Variants in BRAF observed in about 807,000 individuals in gnomAD.
BRAF encodes B-Raf proto-oncogene, serine/threonine kinase, also known as serine/threonine-protein kinase B-raf.
In BRAF, 16 loss-of-function variants were observed where a neutral mutation model predicts 104.6. The ratio of observed to expected loss-of-function variants is 0.15; its 90% CI spans 0.10 to 0.23. BRAF has a LOEUF of 0.23. BRAF is among the 10% of genes least tolerant of loss of function. BRAF has a pLI of 1.00. For missense variants in BRAF, 541 were observed against 937.3 expected (o/e 0.58, Z 5.52); for synonymous variants, 310 against 341.6 (o/e 0.91, Z 1.02).
intron 2 of BRAF, among the ~76,000 whole-genome samples, chr7:140,838,825 C>T (rs772131802): frequency 1.3e-5 from 2 of 152,150 alleles, no homozygotes; most frequent in Non-Finnish European, 2.9e-5. Flanking sequence ...AAAAGTAGAT[C>T]AGTGGTTGTC....
intron 1 of BRAF, among the ~76,000 whole-genome samples, chr7:140,916,057 G>T (rs556573005): frequency 6.6e-6 from 1 of 152,136 alleles, no homozygotes; most frequent in African/African-American, 2.4e-5. Context: ...AAACTGGAAC[G>T]ATACTCCTTG....
At chr7:140,825,818 A>T (rs1253588467) in intron 3 of BRAF, among the ~76,000 whole-genome samples, 1 of 152,012 alleles carries the variant, frequency 6.6e-6, no homozygotes, top group Non-Finnish European at 1.5e-5. Flanking sequence ...TTTCTATATA[A>T]TTTTTTCCCT....
In BRAF at chr7:140,723,777, A is replaced by G; in HGVS notation, c.*2717T>C. 1 of 1,048,982 alleles carries G rather than the reference A, an allele frequency of 9.5e-7. No individual in the cohort carries two copies. The highest frequency in any genetic ancestry group is 1.2e-6 in the Non-Finnish European group (1 of 868,926). 65.0% of individuals were successfully genotyped at this position (1,048,982 alleles called of 1,614,324 possible). A position where few individuals can be genotyped will look rare whatever the true frequency, so the allele number is the denominator to read the frequency against. On this transcript the variant is annotated 3_prime_UTR_variant, in exon 20 of 20. Coordinates refer to ENST00000644969, the MANE Select transcript of BRAF (RefSeq NM_001374258.1). ...CAGACAAGACTGTTACACCCTTACA[A>G]GATGATCAGTGACGCAGCCACATAC...
intron 14 of BRAF, among the ~76,000 whole-genome samples, chr7:140,760,057 G>A (rs1798542744): frequency 6.6e-6 from 1 of 152,164 alleles, no homozygotes; most frequent in African/African-American, 2.4e-5. Context: ...AATAAACTGT[G>A]GACTGAGAAT....
intron 17 of BRAF, among the ~76,000 whole-genome samples, chr7:140,746,400 AC>A (rs1223494450): frequency 1.3e-5 from 2 of 152,188 alleles, no homozygotes; most frequent in African/African-American, 4.8e-5. Flanking sequence ...GATTTCCCAG[AC>A]TTTAGTGCTA....
At chr7:140,881,858 A>G (rs1376500624) in intron 1 of BRAF, among the ~76,000 whole-genome samples, 1 of 152,166 alleles carries the variant, frequency 6.6e-6, no homozygotes, top group East Asian at 1.9e-4. Context: ...ATCACACACA[A>G]TATTTACTGA....
intron 3 of BRAF, among the ~76,000 whole-genome samples, chr7:140,810,764 C>T (rs913095766): frequency 6.6e-6 from 1 of 152,204 alleles, no homozygotes; most frequent in Non-Finnish European, 1.5e-5. Context: ...ACTCTTAGTG[C>T]TTTCATAGAC....
At chr7:140,766,527 C>G (rs961154139) in intron 14 of BRAF, among the ~76,000 whole-genome samples, 1 of 152,100 alleles carries the variant, frequency 6.6e-6, no homozygotes, top group Non-Finnish European at 1.5e-5. Context: ...ATAGATTCCA[C>G]AAATGTCAAC....
intron 9 of BRAF, among the ~76,000 whole-genome samples, chr7:140,786,115 C>G (rs2129029897): frequency 1.3e-5 from 2 of 152,202 alleles, no homozygotes; most frequent in Middle Eastern, 6.8e-3. Context: ...TCAAAAGCCA[C>G]AGCTATTAAG....
rs1216737883 is a variant in BRAF, at chr7:140,722,344, C to A, written c.*4150G>T. ...TAAATTGCACTCTAAAAATTATTAA[C>A]ACAGCTGAGTTAAACCAGAGTGGCT... On this transcript the variant is annotated 3_prime_UTR_variant, in exon 20 of 20. Coordinates refer to ENST00000644969, the MANE Select transcript of BRAF (RefSeq NM_001374258.1). The A allele has an allele frequency of 9.5e-7, 1 of 1,054,928 alleles. No homozygotes were observed. Among genetic ancestry groups the A allele is most frequent in the East Asian group, 5.4e-5 (1 of 18,684 alleles). 65.3% of individuals were successfully genotyped at this position (1,054,928 alleles called of 1,614,324 possible).
chr7:140,836,290 T>C (rs990633539), intron 2 of BRAF: 1 of 151,770 alleles, frequency 6.6e-6, no homozygotes, highest in African/African-American at 2.4e-5. Context: ...AAATGAAAAA[T>C]AGGTAAAGAA....
rs1563221754 is a variant in BRAF at position 140,722,652 on chromosome 7, A to G, written c.*3842T>C. On this transcript the variant is annotated 3_prime_UTR_variant, in exon 20 of 20. Transcript: ENST00000644969. ...TTGGACAAAGAAGAGAATCTTGCAAAAAGAGTAATCATTCTACCCTCTTAG... is the reference window on the plus strand; with the variant it reads ...TTGGACAAAGAAGAGAATCTTGCAAGAAGAGTAATCATTCTACCCTCTTAG... 2.8e-6 allele frequency: 3 copies of G among 1,053,306 alleles called. No individual in the cohort carries two copies. Among genetic ancestry groups the G allele is most frequent in the East Asian group, 1.1e-4 (2 of 18,552 alleles). 65.2% of individuals were successfully genotyped at this position (1,053,306 alleles called of 1,614,324 possible). A position where few individuals can be genotyped will look rare whatever the true frequency, so the allele number is the denominator to read the frequency against.
intron 1 of BRAF, among the ~76,000 whole-genome samples, chr7:140,901,999 T>G (rs1486484384): frequency 6.6e-6 from 1 of 152,252 alleles, no homozygotes; most frequent in East Asian, 1.9e-4. Context: ...ATGAGTAAAT[T>G]TAACCAATGA....
At position 140,723,241 on chromosome 7, in the gene BRAF, T is replaced by C; in HGVS notation, c.*3253A>G. On this transcript the variant is annotated 3_prime_UTR_variant, in exon 20 of 20. Transcript: ENST00000644969. ...TCCGCCTGGTGAATACAAGGTAACA[T>C]CCTGTGATGAAAGTGCTGTCACCGC... is the stretch of plus-strand genomic sequence containing the variant. The C allele has an allele frequency of 9.5e-7, 1 of 1,055,506 alleles. No homozygotes were observed. Among genetic ancestry groups the C allele is most frequent in the Admixed American group, 5.5e-5 (1 of 18,322 alleles). The allele number at this position is 1,055,506 out of a possible 1,614,324, so 65.4% of individuals were successfully genotyped here. A position where few individuals can be genotyped will look rare whatever the true frequency, so the allele number is the denominator to read the frequency against.
intron 14 of BRAF, among the ~76,000 whole-genome samples, chr7:140,763,433 C>T (rs1480341396): frequency 6.6e-6 from 1 of 152,044 alleles, no homozygotes; most frequent in Non-Finnish European, 1.5e-5. Flanking sequence ...CCCCTCACCT[C>T]CCGGACGAGG....
chr7:140,921,248 T>C (rs1205103443), intron 1 of BRAF, among the ~76,000 whole-genome samples: 1 of 152,134 alleles, frequency 6.6e-6, no homozygotes, highest in African/African-American at 2.4e-5. Context: ...CACTATTTCA[T>C]ACCATATGGC....
chr7:140,724,198 CGCCCCT>C lies in BRAF; in HGVS notation c.*2290_*2295del, dbSNP rs1203238828. On this transcript the variant is annotated 3_prime_UTR_variant, in exon 20 of 20. Coordinates refer to ENST00000644969, the MANE Select transcript of BRAF (RefSeq NM_001374258.1). ...TGCTAAGCTTCCTCCCTAATGGTAC[CGCCCCT>C]GCCCCTGCCCCACGGAGGCAGTCCC... 2 of 1,056,658 alleles carry C rather than the reference CGCCCCT, an allele frequency of 1.9e-6. No homozygotes were observed. Among genetic ancestry groups the C allele is most frequent in the Non-Finnish European group, 2.3e-6 (2 of 873,924 alleles). 65.5% of individuals were successfully genotyped at this position (1,056,658 alleles called of 1,614,324 possible).
At chr7:140,795,972 G>A (rs1021928790) in intron 7 of BRAF, among the ~76,000 whole-genome samples, 1 of 152,054 alleles carries the variant, frequency 6.6e-6, no homozygotes, top group Admixed American at 6.6e-5. Flanking sequence ...TTTAGGAGCA[G>A]GAAAAAGAAT....
chr7:140,838,302 A>ATTT (rs2129065015), intron 2 of BRAF, among the ~76,000 whole-genome samples: 1 of 152,310 alleles, frequency 6.6e-6, no homozygotes, highest in South Asian at 2.1e-4. Flanking sequence ...CTTCAAAATA[A>ATTT]TTTTGTGAGG....
Sources: allele counts gnomAD v4.1 joint callset (sites outside exome capture counted in the v4.1 genomes callset), GRCh38; gene constraint gnomAD v4.1.1; transcripts MANE v1.5; gene names NCBI Gene and HGNC (gene_info 2026-07-23, HGNC 2026-07-21).